Variants in ATP2A3 observed in about 807,000 individuals in gnomAD.
ATP2A3 encodes ATPase sarcoplasmic/endoplasmic reticulum Ca2+ transporting 3.
In ATP2A3, 61 loss-of-function variants were observed where a neutral mutation model predicts 106.8. The ratio of observed to expected loss-of-function variants is 0.57; its 90% CI spans 0.46 to 0.71. The LOEUF (loss-of-function observed/expected upper bound fraction) is 0.71, where lower values mean the gene tolerates loss of function less well. Ranked by LOEUF, ATP2A3 falls within the 30% of genes least tolerant of loss-of-function variation. The probability of loss-of-function intolerance (pLI) is 0.00; values close to 1 mark genes in which losing one functional copy is unlikely to be tolerated. For missense variants in ATP2A3, 1,201 were observed against 1,423.5 expected, an observed-to-expected ratio of 0.84 and a Z score of 2.52; for synonymous variants, 611 against 609.3, an observed-to-expected ratio of 1.00 and a Z score of -0.04.
At chr17:3,927,533 G>A in intron 20 of ATP2A3, 2 of 985,430 alleles carry the variant, frequency 2.0e-6, no homozygotes, top group Non-Finnish European at 2.4e-6. Context: ...GACCGGCCCG[G>A]TGCTCCGGCC....
rs1157219663 is a variant in ATP2A3, at chr17:3,955,474, G to T, written c.119-1764C>A. ...GTGGCTGACATTTTCCGTGGAAAAT[G>T]TAATCTCCAGTGTCCTGCGTCGAGA... On this transcript the variant is annotated intron_variant, in intron 1 of 20. Transcript: ENST00000397041. This position sits in a 1 kb window ranked among gnomAD's most constrained non-coding sequence, Gnocchi z 4.2. Among the ~76,000 whole-genome samples, 1 of 152,214 alleles carries T rather than the reference G, an allele frequency of 6.6e-6. No individual in the cohort carries two copies. Among genetic ancestry groups the T allele is most frequent in the African/African-American group, 2.4e-5 (1 of 41,456 alleles).
At chr17:3,935,666 T>C (rs1381951947) in intron 16 of ATP2A3, among the ~76,000 whole-genome samples, 3 of 151,520 alleles carry the variant, frequency 2.0e-5, no homozygotes, top group Non-Finnish European at 4.4e-5. Context: ...GTCTCCCGAG[T>C]AGGTGGGATT....
Position 3,928,823 on chromosome 17 carries a change from G to A in ATP2A3, c.2863-43C>T, listed in dbSNP as rs1293728872. 2.7e-6 allele frequency: 4 copies of A among 1,461,766 alleles called. No individual in the cohort carries two copies. Among genetic ancestry groups the A allele is most frequent in the Non-Finnish European group, 3.7e-6 (4 of 1,067,654 alleles). 90.5% of individuals were successfully genotyped at this position (1,461,766 alleles called of 1,614,324 possible). The stretch of plus-strand genomic sequence containing the variant: ...GGAGGTTTGGTTAAAGGAAGGACTG[G>A]CTGTCCCGTGCCCCAGCCATCTGCT... On this transcript the variant is annotated intron_variant, in intron 19 of 20. Coordinates refer to ENST00000397041, the MANE Select transcript of ATP2A3 (RefSeq NM_005173.4). This position sits in a 1 kb window ranked among gnomAD's most constrained non-coding sequence, Gnocchi z 6.1.
chr17:3,924,618 G>A lies in ATP2A3; in HGVS notation c.*804C>T, dbSNP rs912361805. 9.6e-5 allele frequency: 36 copies of A among 373,300 alleles called. 1 individual carries two copies. In the East Asian group the frequency reaches 1.9e-3, roughly 20 times the overall value. 23.1% of individuals were successfully genotyped at this position (373,300 alleles called of 1,614,324 possible). ...AAGTTGGACCTCTGCGTGGCAGACC[G>A]GGCGGCAGTGTGACTCTGAACATCT... On this transcript the variant is annotated 3_prime_UTR_variant, in exon 21 of 21. Coordinates refer to ENST00000397041, the MANE Select transcript of ATP2A3 (RefSeq NM_005173.4). The surrounding 1 kb of genome is among the most constrained non-coding windows in gnomAD (Gnocchi z 6.4).
chr17:3,959,188 C>T (rs553969812), intron 1 of ATP2A3, among the ~76,000 whole-genome samples: 14 of 152,198 alleles, frequency 9.2e-5, no homozygotes, highest in East Asian at 3.9e-4. Flanking sequence ...TGCTAGCCAC[C>T]GCGCCCGGCC....
In ATP2A3 at chr17:3,924,428, G is replaced by C. The variant is rs1034978639; in HGVS notation, c.*994C>G. 1 of 215,398 alleles carries C rather than the reference G, an allele frequency of 4.6e-6. No homozygotes were observed. Among genetic ancestry groups the C allele is most frequent in the African/African-American group, 2.3e-5 (1 of 42,738 alleles). 13.3% of individuals were successfully genotyped at this position (215,398 alleles called of 1,614,324 possible). A position where few individuals can be genotyped will look rare whatever the true frequency, so the allele number is the denominator to read the frequency against. On this transcript the variant is annotated 3_prime_UTR_variant, in exon 21 of 21. Transcript: ENST00000397041. The surrounding 1 kb of genome is among the most constrained non-coding windows in gnomAD (Gnocchi z 6.4). Reference sequence around the variant, plus strand: ...CATCCTTTCGGCTCATGGGTGTCGTGGGGAGGGGGCAAGGAGTGAGGCCAA... The same window carrying C: ...CATCCTTTCGGCTCATGGGTGTCGTCGGGAGGGGGCAAGGAGTGAGGCCAA...
chr17:3,944,146 C>T (rs539550570), intron 10 of ATP2A3, among the ~76,000 whole-genome samples: 5 of 152,304 alleles, frequency 3.3e-5, no homozygotes, highest in South Asian at 2.1e-4. Context: ...TCCCTGGCTT[C>T]GGTCCTCTAC....
At chr17:3,941,748 GGCAAA>G in intron 12 of ATP2A3, 94 bp from the exon 13 acceptor site, 6 of 1,338,380 alleles carry the variant, frequency 4.5e-6, no homozygotes, top group Non-Finnish European at 1.0e-6. Flanking sequence ...CTAAGATACG[GGCAAA>G]GGCCACCCAA....
Position 3,928,896 on chromosome 17 carries a change from G to T in ATP2A3, c.2863-116C>A. The T allele has an allele frequency of 1.3e-6, 1 of 753,834 alleles. No homozygotes were observed. Among genetic ancestry groups the T allele is most frequent in the Non-Finnish European group, 2.2e-6 (1 of 451,360 alleles). 46.7% of individuals were successfully genotyped at this position (753,834 alleles called of 1,614,324 possible). ...ATGGACTCTTCATGAGCGCTCCTAA[G>T]AACCCCCTGGATGCACCCCCGATCT... is the stretch of plus-strand genomic sequence containing the variant. On this transcript the variant is annotated intron_variant, in intron 19 of 20. Coordinates refer to ENST00000397041, the MANE Select transcript of ATP2A3 (RefSeq NM_005173.4). The surrounding 1 kb of genome is among the most constrained non-coding windows in gnomAD (Gnocchi z 6.1).
chr17:3,935,072 G>C, intron 17 of ATP2A3, 120 bp downstream of exon 17: 1 of 1,047,940 alleles, frequency 9.5e-7, no homozygotes, highest in Non-Finnish European at 1.5e-6. Flanking sequence ...ATGTTTATTC[G>C]TGTATAGCGA....
Position 3,930,621 on chromosome 17 carries a change from C to T in ATP2A3, c.2611-187G>A, listed in dbSNP as rs763816985. 1 of 792,586 alleles carries T rather than the reference C, an allele frequency of 1.3e-6. No homozygotes were observed. The allele number at this position is 792,586 out of a possible 1,614,324, so 49.1% of individuals were successfully genotyped here. On this transcript the variant is annotated intron_variant, in intron 17 of 20. Coordinates refer to ENST00000397041, the MANE Select transcript of ATP2A3 (RefSeq NM_005173.4). This position sits in a 1 kb window ranked among gnomAD's most constrained non-coding sequence, Gnocchi z 5.4. Reference sequence around the variant, plus strand: ...CGGGGCGGCGGTGGGGAGAGCTGCACCGTGCCAGGGAGAAGCAAGGGCACA... The same window carrying T: ...CGGGGCGGCGGTGGGGAGAGCTGCATCGTGCCAGGGAGAAGCAAGGGCACA...
chr17:3,961,734 G>A lies in ATP2A3; in HGVS notation c.118+2440C>T, dbSNP rs114932894. 9.0e-3 allele frequency among the ~76,000 whole-genome samples: 1,364 copies of A among 152,224 alleles called. 33 individuals carry two copies. The highest frequency in any genetic ancestry group is 0.031 in the African/African-American group (1,279 of 41,532). On this transcript the variant is annotated intron_variant, in intron 1 of 20. Transcript: ENST00000397041. The stretch of plus-strand genomic sequence containing the variant: ...CCACCCAGCTTGTGGCCAGGAGCCC[G>A]CCCCAGCCTCTTCTGCGACAAGGAA...
Position 3,935,240 on chromosome 17 carries a change from C to G in ATP2A3, c.2562G>C (p.Trp854Cys). Residue 854 changes from tryptophan (W) to cysteine (C), a missense_variant, in exon 17 of 21, where the codon TGG (tryptophan) becomes TGC (cysteine). Transcript: ENST00000397041. ...GTCCCTCGGCGTCATACACAAACCA[C>G]CAGGTGGCGGCAGCCACTGTGGCCA... is the stretch of plus-strand genomic sequence containing the variant. ...VGLATVAAATWWFVYDAEGPH... is the reference protein window; with the variant it reads ...VGLATVAAATCWFVYDAEGPH... The G allele has an allele frequency of 6.2e-7, 1 of 1,613,828 alleles. No individual in the cohort carries two copies.
Position 3,953,853 on chromosome 17 carries a change from C to G in ATP2A3, c.119-143G>C. ...GGACTGGATGTATCCCCAGGGCTCT[C>G]TGAGGCCACAGGATAAATGGTTTGA... On this transcript the variant is annotated intron_variant, in intron 1 of 20. Coordinates refer to ENST00000397041, the MANE Select transcript of ATP2A3 (RefSeq NM_005173.4). The surrounding 1 kb of genome is among the most constrained non-coding windows in gnomAD (Gnocchi z 5.1). 4.4e-6 allele frequency: 4 copies of G among 906,046 alleles called. No homozygotes were observed. The highest frequency in any genetic ancestry group is 4.2e-5 in the South Asian group (3 of 70,612). 56.1% of individuals were successfully genotyped at this position (906,046 alleles called of 1,614,324 possible).
chr17:3,933,167 G>C (rs1478575535), intron 17 of ATP2A3, among the ~76,000 whole-genome samples: 1 of 151,770 alleles, frequency 6.6e-6, no homozygotes, highest in South Asian at 2.1e-4. Context: ...TGTAATCCCA[G>C]CTACTCGGGA....
intron 17 of ATP2A3, among the ~76,000 whole-genome samples, chr17:3,931,966 C>T (rs1257385034): frequency 6.6e-6 from 1 of 152,130 alleles, no homozygotes; most frequent in African/African-American, 2.4e-5. Flanking sequence ...CAGATAAGGC[C>T]ACTCTGAGTA....
chr17:3,944,860 T>G (rs952822665), intron 9 of ATP2A3, 54 bp from the exon 10 acceptor site: 1 of 943,552 alleles, frequency 1.1e-6, no homozygotes, highest in African/African-American at 2.0e-5. Flanking sequence ...CCGAGAGGGG[T>G]CCGCCTCTTG....
chr17:3,940,140 C>T (rs1019144694), intron 14 of ATP2A3, among the ~76,000 whole-genome samples: 3 of 146,294 alleles, frequency 2.1e-5, no homozygotes, highest in Admixed American at 7.3e-5. Flanking sequence ...GAATTACAAG[C>T]GTGAGCCACC....
chr17:3,954,126 G>A (rs2054616702), intron 1 of ATP2A3, among the ~76,000 whole-genome samples: 1 of 152,112 alleles, frequency 6.6e-6, no homozygotes, highest in African/African-American at 2.4e-5. Flanking sequence ...GATGGCCGCA[G>A]AGTCCTGTTG....
Sources: gnomAD v4.1 joint callset for allele counts (sites outside exome capture counted in the v4.1 genomes callset) on GRCh38, gnomAD v4.1.1 for gene constraint, Gnocchi (gnomAD v3.1) non-coding constraint, MANE v1.5 for transcripts, NCBI Gene and HGNC (gene_info 2026-07-23, HGNC 2026-07-21) for gene names.